The following DGKI variants were observed in gnomAD, a reference collection of about 807,000 sequenced individuals.
The protein encoded by DGKI is DAG kinase iota.
Under a neutral mutation model 147.5 loss-of-function variants are expected in DGKI, and 55 were observed. The observed-to-expected ratio is 0.37, with a 90% CI of 0.30 to 0.47. The LOEUF (loss-of-function observed/expected upper bound fraction) is 0.47. DGKI is among the 20% of genes least tolerant of loss of function. The pLI is 1.00. For synonymous variants in DGKI, 469 were observed against 477.1 expected, an observed-to-expected ratio of 0.98 and a Z score of 0.22; for missense variants, 1,007 against 1,323.8, an observed-to-expected ratio of 0.76 and a Z score of 3.71.
chr7:137,792,992 T>C (rs191695281), intron 1 of DGKI, among the ~76,000 whole-genome samples: 3 of 152,218 alleles, frequency 2.0e-5, no homozygotes, highest in Non-Finnish European at 2.9e-5. Context: ...CTTACAAGCA[T>C]TCACTCATTT....
chr7:137,594,979 G>A (rs1429441325), intron 12 of DGKI, among the ~76,000 whole-genome samples: 8 of 152,162 alleles, frequency 5.3e-5, no homozygotes, highest in African/African-American at 9.7e-5. Context: ...TAGGGTAAAC[G>A]TACTACTTTT....
chr7:137,570,309 T>C (rs978421322), intron 19 of DGKI, among the ~76,000 whole-genome samples: 1 of 152,236 alleles, frequency 6.6e-6, no homozygotes, highest in Non-Finnish European at 1.5e-5. Flanking sequence ...TTTGAAAATA[T>C]ACTTACACTA....
intron 8 of DGKI, among the ~76,000 whole-genome samples, chr7:137,616,521 C>T (rs1174526225): frequency 1.3e-5 from 2 of 152,004 alleles, no homozygotes; most frequent in East Asian, 3.9e-4. Context: ...CAGGTATGGA[C>T]AGGAAATGCA....
chr7:137,759,879 T>C (rs1795805072), intron 1 of DGKI, among the ~76,000 whole-genome samples: 1 of 152,128 alleles, frequency 6.6e-6, no homozygotes, highest in African/African-American at 2.4e-5. Flanking sequence ...AGTCTTGATA[T>C]TCTCATGCCT....
rs372423100 is a variant in DGKI, at chr7:137,620,025, A to ACG, written c.877-86_877-85insCG. 2.9e-3 allele frequency: 1,940 copies of ACG among 665,526 alleles called. 22 individuals are homozygous for ACG. The African/African-American group carries it at 0.032, about 11-fold the overall frequency. The allele number at this position is 665,526 out of a possible 1,614,324, so 41.2% of individuals were successfully genotyped here. A position where few individuals can be genotyped will look rare whatever the true frequency, so the allele number is the denominator to read the frequency against. On this transcript the variant is annotated intron_variant, in intron 7 of 32. Transcript: ENST00000614521. ...GGGATAAATATGTACACACGCACAC[A>ACG]CACACACACACACACACACACACAC...
intron 1 of DGKI, among the ~76,000 whole-genome samples, chr7:137,759,048 T>G (rs1266132862): frequency 6.6e-6 from 1 of 152,156 alleles, no homozygotes; most frequent in African/African-American, 2.4e-5. Flanking sequence ...GGGCTTCAAG[T>G]ATACTCATTA....
chr7:137,452,368 G>T (rs1217465032), intron 27 of DGKI, among the ~76,000 whole-genome samples: 1 of 152,110 alleles, frequency 6.6e-6, no homozygotes, highest in Non-Finnish European at 1.5e-5. Flanking sequence ...AATAGCCAAG[G>T]CCCCTTCATT....
intron 1 of DGKI, among the ~76,000 whole-genome samples, chr7:137,835,654 T>A (rs1458830805): frequency 6.6e-6 from 1 of 152,156 alleles, no homozygotes; most frequent in Non-Finnish European, 1.5e-5. Context: ...TTTTCATGTG[T>A]ACAGGAAGGG....
chr7:137,428,483 A>C (rs1812914768), intron 28 of DGKI, among the ~76,000 whole-genome samples: 1 of 152,158 alleles, frequency 6.6e-6, no homozygotes. Context: ...TCCCTTTGAA[A>C]ACTGGCACAA....
chr7:137,608,937 TA>T, intron 10 of DGKI, 28 bp downstream of exon 10: 1 of 1,540,636 alleles, frequency 6.5e-7, no homozygotes, highest in Non-Finnish European at 9.0e-7. Context: ...TCAAAACTTC[TA>T]AGTTGAAAAT....
intron 21 of DGKI, among the ~76,000 whole-genome samples, chr7:137,505,685 C>T (rs1816341950): frequency 7.4e-6 from 1 of 135,764 alleles, no homozygotes; most frequent in Non-Finnish European, 1.5e-5. Context: ...ATCTAGGAGC[C>T]TACAACAAAG....
intron 20 of DGKI, among the ~76,000 whole-genome samples, chr7:137,538,507 T>C (rs547576038): frequency 6.6e-6 from 1 of 152,216 alleles, no homozygotes; most frequent in African/African-American, 2.4e-5. Context: ...CAGTGGGATA[T>C]ATCCTGTTTA....
chr7:137,798,486 ATCATGGC>A (rs1797100959), intron 1 of DGKI, among the ~76,000 whole-genome samples: 1 of 152,196 alleles, frequency 6.6e-6, no homozygotes, highest in African/African-American at 2.4e-5. Flanking sequence ...CAGTGGCACA[ATCATGGC>A]TCACTACAGC....
At chr7:137,464,985 T>A (rs908711054) in intron 26 of DGKI, among the ~76,000 whole-genome samples, 1 of 152,236 alleles carries the variant, frequency 6.6e-6, no homozygotes, top group Non-Finnish European at 1.5e-5. Flanking sequence ...ATTCCCCAAG[T>A]GCTTACACTA....
chr7:137,602,448 G>T (rs571812556), intron 10 of DGKI, among the ~76,000 whole-genome samples: 1 of 152,262 alleles, frequency 6.6e-6, no homozygotes, highest in African/African-American at 2.4e-5. Flanking sequence ...GCATAGCCAG[G>T]CATGGCTACC....
At chr7:137,763,346 T>A (rs960339875) in intron 1 of DGKI, among the ~76,000 whole-genome samples, 1 of 152,186 alleles carries the variant, frequency 6.6e-6, no homozygotes, top group South Asian at 2.1e-4. Context: ...ACCTCAAATG[T>A]CTCGCAGGAT....
intron 28 of DGKI, among the ~76,000 whole-genome samples, chr7:137,429,773 C>T (rs1812984778): frequency 2.3e-5 from 3 of 133,292 alleles, no homozygotes; most frequent in African/African-American, 5.7e-5. Flanking sequence ...CAAAAGAAGA[C>T]ATTTATGCAG....
Position 137,585,229 on chromosome 7 carries a change from G to A in DGKI, c.1543C>T (p.Leu515Phe), listed in dbSNP as rs1249911589. ...CTAACCTTACATACGCCATCTTCAAGTTCTTCTGGAGGCAAGTCGGGGTTT... is the reference window on the plus strand; with the variant it reads ...CTAACCTTACATACGCCATCTTCAAATTCTTCTGGAGGCAAGTCGGGGTTT... ...ERNPDLPPEELEDGVCKLPLN... is the reference protein window; with the variant it reads ...ERNPDLPPEEFEDGVCKLPLN... Residue 515 changes from leucine to phenylalanine, a missense_variant, in exon 14 of 33, where the codon CTT (leucine) becomes TTT (phenylalanine). By Grantham distance (22) the Leu-to-Phe change is conservative. This residue lies in a region of DGKI where 224 missense variants were observed against 382.7 expected (regional missense o/e 0.59). Transcript: ENST00000614521. 1.2e-6 allele frequency: 2 copies of A among 1,614,128 alleles called. No homozygotes were observed. The highest frequency in any genetic ancestry group is 1.7e-6 in the Non-Finnish European group (2 of 1,180,020).
intron 3 of DGKI, among the ~76,000 whole-genome samples, chr7:137,678,280 C>G (rs1043117338): frequency 3.9e-5 from 6 of 152,064 alleles, no homozygotes; most frequent in Non-Finnish European, 8.8e-5. Context: ...CCTCTGCCCC[C>G]CACCAACACA....
Sources: gnomAD v4.1 joint callset for allele counts (sites outside exome capture counted in the v4.1 genomes callset) on GRCh38, gnomAD v4.1.1 for gene constraint, gnomAD v4.1.1 regional missense constraint, MANE v1.5 for transcripts, NCBI Gene and HGNC (gene_info 2026-07-23, HGNC 2026-07-21) for gene names.